The following RSL1D1 variants were observed in gnomAD, a reference collection of about 807,000 sequenced individuals.
RSL1D1 encodes ribosomal L1 domain containing 1, also known as ribosomal L1 domain-containing protein 1.
RSL1D1 carries 34 observed loss-of-function variants against 44.6 expected under a neutral mutation model. The ratio of observed to expected loss-of-function variants is 0.76; its 90% CI spans 0.58 to 1.02. RSL1D1 has a LOEUF of 1.02. RSL1D1 is among the 50% of genes least tolerant of loss of function. RSL1D1 has a pLI of 0.00. For synonymous variants in RSL1D1, 271 were observed against 207.4 expected, an observed-to-expected ratio of 1.31 and a Z score of -2.63; for missense variants, 767 against 568.1, an observed-to-expected ratio of 1.35 and a Z score of -3.56.
At position 11,836,139 on chromosome 16, in the gene RSL1D1, T is replaced by G. The variant is rs1363344953; in HGVS notation, c.*1648A>C. 1.3e-5 allele frequency: 2 copies of G among 152,190 alleles called. No homozygotes were observed. Among genetic ancestry groups the G allele is most frequent in the Non-Finnish European group, 2.9e-5 (2 of 68,056 alleles). The allele number at this position is 152,190 out of a possible 1,614,324, so 9.4% of individuals were successfully genotyped here. The stretch of plus-strand genomic sequence containing the variant: ...GCAAGGTGCCCTTCTGACCTTCACA[T>G]TCTCACCATCTGTTTCTTTGTTGGA... On this transcript the variant is annotated 3_prime_UTR_variant, in exon 9 of 9. Coordinates refer to ENST00000571133, the MANE Select transcript of RSL1D1 (RefSeq NM_015659.3).
intron 8 of RSL1D1, among the ~76,000 whole-genome samples, chr16:11,839,466 G>T (rs565029331): frequency 3.3e-5 from 5 of 149,888 alleles, no homozygotes; most frequent in African/African-American, 1.2e-4. Flanking sequence ...GCCAAGGTGG[G>T]AAGACTGTTT....
chr16:11,846,461 A>C (rs1450390191), intron 5 of RSL1D1, 40 bp downstream of exon 5: 1 of 1,014,370 alleles, frequency 9.9e-7, no homozygotes, highest in Admixed American at 2.3e-5. Context: ...ATTGTCAAAT[A>C]CAAGATTAAA....
At chr16:11,840,314 A>G (rs1225387773) in intron 7 of RSL1D1, among the ~76,000 whole-genome samples, 3 of 152,066 alleles carry the variant, frequency 2.0e-5, no homozygotes, top group Non-Finnish European at 2.9e-5. Flanking sequence ...GCCTGTAATC[A>G]CAGCACTCAG....
At chr16:11,844,713 C>A (rs909553046) in intron 5 of RSL1D1, among the ~76,000 whole-genome samples, 2 of 152,158 alleles carry the variant, frequency 1.3e-5, no homozygotes, top group African/African-American at 4.8e-5. Context: ...TGGGTCTGCA[C>A]GGCTCCTGGG....
chr16:11,846,836 G>T lies in RSL1D1; in HGVS notation c.392C>A (p.Ser131Tyr). 6.2e-7 allele frequency: 1 copy of T among 1,607,614 alleles called. No individual in the cohort carries two copies. Among genetic ancestry groups the T allele is most frequent in the Non-Finnish European group, 8.5e-7 (1 of 1,174,536 alleles). Residue 131 changes from serine (S) to tyrosine (Y), a missense_variant, in exon 4 of 9, where the codon TCC becomes TAC. Ser to Tyr is a moderately radical substitution (Grantham distance 144). Coordinates refer to ENST00000571133, the MANE Select transcript of RSL1D1 (RefSeq NM_015659.3). ...ATATTCCTTCTTTAGAGTTTGGAGGGAGATAATCTAGGAAGTATAGAGAAG... is the reference window on the plus strand; with the variant it reads ...ATATTCCTTCTTTAGAGTTTGGAGGTAGATAATCTAGGAAGTATAGAGAAG... Reference protein sequence around the residue: ...HGIKTVSQIISLQTLKKEYKS... With the variant: ...HGIKTVSQIIYLQTLKKEYKS...
chr16:11,843,723 T>A (rs1433576284), intron 5 of RSL1D1, among the ~76,000 whole-genome samples: 1 of 151,354 alleles, frequency 6.6e-6, no homozygotes, highest in Non-Finnish European at 1.5e-5. Context: ...ACAAAAAAAT[T>A]AGCTGGGCAT....
intron 1 of RSL1D1, chr16:11,851,082 T>G: frequency 2.5e-6 from 1 of 398,474 alleles, no homozygotes; most frequent in South Asian, 2.2e-5. Context: ...AGGGCCCACT[T>G]TAAATAACGG....
intron 8 of RSL1D1, 128 bp from the exon 9 acceptor site, chr16:11,838,241 T>C: frequency 2.6e-6 from 2 of 766,286 alleles, no homozygotes; most frequent in Non-Finnish European, 4.0e-6. Flanking sequence ...CTGCCCATGC[T>C]AGAGTGCAAT....
rs750162724 is a variant in RSL1D1 at position 11,847,665 on chromosome 16, T to C, written c.384+3A>G. 4 of 1,605,146 alleles carry C rather than the reference T, an allele frequency of 2.5e-6. No individual in the cohort carries two copies. The South Asian group carries it at 3.3e-5, about 13-fold the overall frequency. On this transcript the variant is annotated splice_donor_region_variant and intron_variant, in intron 3 of 8. Transcript: ENST00000571133. ...ACTTGAAAATATTAACCAGGCTTCC[T>C]ACCTGAGAAACGGTTTTAATTCCAT...
intron 1 of RSL1D1, chr16:11,850,948 CA>C: frequency 4.8e-6 from 1 of 210,052 alleles, no homozygotes; most frequent in Non-Finnish European, 9.8e-6. Flanking sequence ...CCTCGGCCTC[CA>C]AAAGTGCTGG....
At chr16:11,844,574 A>C (rs1393106714) in intron 5 of RSL1D1, among the ~76,000 whole-genome samples, 1 of 152,172 alleles carries the variant, frequency 6.6e-6, no homozygotes, top group Admixed American at 6.5e-5. Context: ...GCTAAAGACA[A>C]CACCAGAGAC....
chr16:11,837,657 G>A lies in RSL1D1; in HGVS notation c.*130C>T. 1.1e-6 allele frequency: 1 copy of A among 876,126 alleles called. No homozygotes were observed. The highest frequency in any genetic ancestry group is 1.8e-6 in the Non-Finnish European group (1 of 559,190). The allele number at this position is 876,126 out of a possible 1,614,324, so 54.3% of individuals were successfully genotyped here. A position where few individuals can be genotyped will look rare whatever the true frequency, so the allele number is the denominator to read the frequency against. ...GAGCCACCGCCCCTGGACTACTTAT[G>A]GAGGTTTTAAAAAATCTTTTAAGTC... is the stretch of plus-strand genomic sequence containing the variant. On this transcript the variant is annotated 3_prime_UTR_variant, in exon 9 of 9. Coordinates refer to ENST00000571133, the MANE Select transcript of RSL1D1 (RefSeq NM_015659.3).
chr16:11,851,216 C>T (rs980823502), intron 1 of RSL1D1, 192 bp downstream of exon 1: 6 of 645,920 alleles, frequency 9.3e-6, no homozygotes, highest in African/African-American at 7.2e-5. Flanking sequence ...TAGCGCCAGG[C>T]CGCAGGACCA....
chr16:11,843,784 T>C (rs2053779504), intron 5 of RSL1D1, among the ~76,000 whole-genome samples: 1 of 138,170 alleles, frequency 7.2e-6, no homozygotes, highest in African/African-American at 2.7e-5. Flanking sequence ...GGCAGAAGAA[T>C]GGTGTGAACC....
At chr16:11,839,637 G>C (rs2053749531) in intron 8 of RSL1D1, 58 bp downstream of exon 8, 2 of 1,592,276 alleles carry the variant, frequency 1.3e-6, no homozygotes. Context: ...CACAGTACCT[G>C]CCTGACACAG....
chr16:11,844,454 G>A (rs530033717), intron 5 of RSL1D1, among the ~76,000 whole-genome samples: 1 of 152,218 alleles, frequency 6.6e-6, no homozygotes, highest in South Asian at 2.1e-4. Context: ...CCACTTCCAT[G>A]AGCCACTACT....
chr16:11,846,479 C>G, intron 5 of RSL1D1, 22 bp downstream of exon 5: 1 of 1,122,030 alleles, frequency 8.9e-7, no homozygotes, highest in Non-Finnish European at 1.3e-6. Context: ...AAAAGAGGCA[C>G]ACATGAATGC....
rs770576841 is a variant in RSL1D1, at chr16:11,837,822, AT to A, written c.1437del (p.Lys479AsnfsTer40). 6.8e-6 allele frequency: 11 copies of A among 1,609,478 alleles called. 1 individual carries two copies. The South Asian group carries it at 8.8e-5, about 13-fold the overall frequency. ...TGGGGTACTTTGGGTTTTTTGGGCC[AT>A]TTTTTGGGGGTGTGGGAAGCTTTTC... ...SVRKASHTPK[K>X]WPKKPKVPQS... On this transcript the variant is annotated frameshift_variant, in exon 9 of 9. Coordinates refer to ENST00000571133, the MANE Select transcript of RSL1D1 (RefSeq NM_015659.3). LOFTEE classifies it low-confidence loss of function (END_TRUNC).
intron 8 of RSL1D1, 119 bp from the exon 9 acceptor site, chr16:11,838,232 T>C: frequency 1.1e-6 from 1 of 875,744 alleles, no homozygotes; most frequent in Non-Finnish European, 1.7e-6. Flanking sequence ...TCGCTCTTGC[T>C]GCCCATGCTA....
Sources: allele counts gnomAD v4.1 joint callset (sites outside exome capture counted in the v4.1 genomes callset), GRCh38; gene constraint gnomAD v4.1.1; transcripts MANE v1.5; gene names NCBI Gene and HGNC (gene_info 2026-07-23, HGNC 2026-07-21).